RAD52: variants seen among roughly 807,000 people sequenced by gnomAD.
RAD52 encodes the protein RAD52 DNA repair protein.
RAD52 carries 47 observed loss-of-function variants against 55.5 expected under a neutral mutation model. That is an observed-to-expected ratio of 0.85 (90% CI 0.67 to 1.08). The LOEUF is 1.08. Among genes scored for constraint, RAD52 ranks in the 50% least tolerant of loss-of-function variants. RAD52 has a pLI of 0.00. For missense variants in RAD52, 468 were observed against 522.8 expected (o/e 0.90, Z 1.02); for synonymous variants, 184 against 198.9 (o/e 0.92, Z 0.63).
chr12:968,414 C>T (rs1958798783), intron 1 of RAD52, among the ~76,000 whole-genome samples: 2 of 151,938 alleles, frequency 1.3e-5, no homozygotes, highest in Admixed American at 1.3e-4. Flanking sequence ...ACCTTCAAAG[C>T]TTCATTCTCA....
upstream of RAD52, chr12:990,290 C>T (rs1466734243): frequency 1.3e-5 from 2 of 151,882 alleles, no homozygotes; most frequent in East Asian, 3.9e-4. Context: ...TTCTTACTTT[C>T]TTGGTTTAGA....
Position 935,637 on chromosome 12 carries a change from T to C in RAD52, c.-18-2561A>G, listed in dbSNP as rs1354567193. Among the ~76,000 whole-genome samples the C allele has an allele frequency of 2.0e-5, 3 of 151,632 alleles. No individual in the cohort carries two copies. The South Asian group carries it at 6.3e-4, about 32-fold the overall frequency. On this transcript the variant is annotated intron_variant, in intron 1 of 11. Coordinates refer to ENST00000358495, the MANE Select transcript of RAD52 (RefSeq NM_134424.4). ...GGGAGGCTGAGGAGGGCAGATCACC[T>C]GAGGTCAGGAATTCGAGACCAGCCT...
chr12:941,765 T>C (rs891127724), intron 1 of RAD52, among the ~76,000 whole-genome samples: 2 of 152,092 alleles, frequency 1.3e-5, no homozygotes, highest in Non-Finnish European at 2.9e-5. Flanking sequence ...GCCTCCCAAG[T>C]AGCTGAGACT....
intron 5 of RAD52, among the ~76,000 whole-genome samples, chr12:927,598 G>A (rs1957108807): frequency 6.6e-6 from 1 of 152,132 alleles, no homozygotes; most frequent in African/African-American, 2.4e-5. Context: ...CGGGCGTGGT[G>A]GCTCACGCTG....
In RAD52 at chr12:965,086, T is replaced by G. The variant is rs138518388; in HGVS notation, c.-19+24723A>C. On this transcript the variant is annotated intron_variant, in intron 1 of 11. Transcript: ENST00000430095. ...CCTCTGCCTCCTGGGTTCAAGCGAT[T>G]CTCCTGCCTCAGCCTCCCAAGTAGC... Among the ~76,000 whole-genome samples the G allele has an allele frequency of 1.9e-4, 29 of 151,990 alleles. 1 individual carries two copies. Among genetic ancestry groups the G allele is most frequent in the African/African-American group, 6.5e-4 (27 of 41,342 alleles).
intron 1 of RAD52, among the ~76,000 whole-genome samples, chr12:970,061 C>T (rs891334564): frequency 9.3e-5 from 6 of 64,344 alleles, no homozygotes; most frequent in African/African-American, 3.1e-4. Flanking sequence ...ATAATCCCAG[C>T]ACTTTGGGAG....
chr12:926,750 T>TA, intron 6 of RAD52: 1 of 1,496,696 alleles, frequency 6.7e-7, no homozygotes, highest in African/African-American at 1.4e-5. Flanking sequence ...ATAAATGGAC[T>TA]AACACGGACA....
intron 5 of RAD52, among the ~76,000 whole-genome samples, chr12:928,541 T>G (rs1269196655): frequency 6.6e-6 from 1 of 151,740 alleles, no homozygotes; most frequent in East Asian, 1.9e-4. Flanking sequence ...AAGTAAGTAA[T>G]ATTCAGTTAT....
At chr12:939,713 C>T (rs1957821925) in intron 1 of RAD52, among the ~76,000 whole-genome samples, 1 of 152,240 alleles carries the variant, frequency 6.6e-6, no homozygotes, top group Non-Finnish European at 1.5e-5. Context: ...GTTTCTCAAT[C>T]TCTCATCTCA....
intron 1 of RAD52, among the ~76,000 whole-genome samples, chr12:966,293 G>C (rs1374598926): frequency 2.6e-5 from 4 of 152,016 alleles, no homozygotes; most frequent in African/African-American, 9.7e-5. Flanking sequence ...GTGTTGTATG[G>C]AACTTCTGGA....
chr12:965,908 A>T (rs1252711555), intron 1 of RAD52, among the ~76,000 whole-genome samples: 1 of 151,846 alleles, frequency 6.6e-6, no homozygotes, highest in Non-Finnish European at 1.5e-5. Context: ...CTGATCTCGA[A>T]CTGCTGACCT....
rs199848371 is a variant in RAD52 at position 913,367 on chromosome 12, C to T, written c.*24G>A. On this transcript the variant is annotated 3_prime_UTR_variant, in exon 12 of 12. Coordinates refer to ENST00000358495, the MANE Select transcript of RAD52 (RefSeq NM_134424.4). Reference sequence around the variant, plus strand: ...TTCCAAAGTCCCTTTGTGACAGAGTCCAATTATGTGGCCTGAGCCTCAGTT... The same window carrying T: ...TTCCAAAGTCCCTTTGTGACAGAGTTCAATTATGTGGCCTGAGCCTCAGTT... 1.6e-4 allele frequency: 252 copies of T among 1,560,322 alleles called. No individual in the cohort carries two copies. The highest frequency in any genetic ancestry group is 2.1e-4 in the Non-Finnish European group (236 of 1,137,196).
At chr12:957,308 A>G (rs1958619928) in intron 1 of RAD52, among the ~76,000 whole-genome samples, 1 of 151,496 alleles carries the variant, frequency 6.6e-6, no homozygotes. Context: ...AAATACAAAA[A>G]AACAATTAGC....
intron 1 of RAD52, chr12:977,152 C>A (rs1280687025): frequency 1.3e-5 from 2 of 152,250 alleles, no homozygotes; most frequent in African/African-American, 4.8e-5. Flanking sequence ...GCAGGCAACT[C>A]AAAAATTCAG....
chr12:929,672 T>C, intron 5 of RAD52, 147 bp downstream of exon 5: 4 of 823,532 alleles, frequency 4.9e-6, no homozygotes, highest in Non-Finnish European at 2.2e-6. Flanking sequence ...TGAGCAAGAG[T>C]ATTTGAATTC....
intron 1 of RAD52, among the ~76,000 whole-genome samples, chr12:955,911 G>T (rs1958598937): frequency 6.6e-6 from 1 of 151,236 alleles, no homozygotes; most frequent in African/African-American, 2.4e-5. Context: ...CTCCCTAGTA[G>T]CTGGGATTAC....
At chr12:926,867 G>A in intron 6 of RAD52, 1 of 1,536,716 alleles carries the variant, frequency 6.5e-7, no homozygotes, top group Non-Finnish European at 8.7e-7. Context: ...GTAGGAGTGG[G>A]AAGGCCTCCG....
chr12:966,765 G>A (rs997897798), intron 1 of RAD52, among the ~76,000 whole-genome samples: 6 of 151,992 alleles, frequency 3.9e-5, no homozygotes, highest in African/African-American at 1.2e-4. Context: ...AAATAATATT[G>A]AGGAGTTTAC....
intron 1 of RAD52, among the ~76,000 whole-genome samples, chr12:957,889 A>G (rs1465589177): frequency 1.3e-5 from 2 of 152,394 alleles, no homozygotes; most frequent in East Asian, 1.9e-4. Flanking sequence ...CTTTGTTACC[A>G]GGAATATTTT....
Sources: gnomAD v4.1 joint callset for allele counts (sites outside exome capture counted in the v4.1 genomes callset) on GRCh38, gnomAD v4.1.1 for gene constraint, MANE v1.5 for transcripts, NCBI Gene and HGNC (gene_info 2026-07-23, HGNC 2026-07-21) for gene names.